CCDC102B: variants seen among roughly 807,000 people sequenced by gnomAD.
CCDC102B encodes the protein coiled-coil domain containing 102B, also known as coiled-coil domain-containing protein 102B.
Under a neutral mutation model 57.4 loss-of-function variants are expected in CCDC102B, and 75 were observed. That is an observed-to-expected ratio of 1.31 (90% CI 1.08 to 1.58). CCDC102B has a LOEUF of 1.58. Among genes scored for constraint, CCDC102B ranks in the 40% most tolerant of loss-of-function variants. CCDC102B has a pLI of 0.00. For missense variants in CCDC102B, 636 were observed against 582.6 expected (o/e 1.09, Z -0.94); for synonymous variants, 206 against 201.9 (o/e 1.02, Z -0.17).
At position 69,017,995 on chromosome 18, in the gene CCDC102B, C is replaced by CTGTG. The variant is rs61238979; in HGVS notation, c.1434+6909_1434+6912dup. Among the ~76,000 whole-genome samples the CTGTG allele has an allele frequency of 4.5e-3, 669 of 149,502 alleles. 4 individuals carry two copies. Among genetic ancestry groups the CTGTG allele is most frequent in the African/African-American group, 0.016 (637 of 40,938 alleles). On this transcript the variant is annotated intron_variant, in intron 7 of 7. Coordinates refer to ENST00000360242, the MANE Select transcript of CCDC102B (RefSeq NM_024781.3). Reference sequence around the variant, plus strand: ...TCCTTCTTTTTAAGGCTAAATATTTCTGTGTGTGTGTGTGTGTGTGTATCT... The same window carrying CTGTG: ...TCCTTCTTTTTAAGGCTAAATATTTCTGTGTGTGTGTGTGTGTGTGTGTGTATCT...
At chr18:69,005,283 G>A (rs1367728051) in intron 6 of CCDC102B, among the ~76,000 whole-genome samples, 1 of 152,006 alleles carries the variant, frequency 6.6e-6, no homozygotes, top group Non-Finnish European at 1.5e-5. Context: ...CCATGAGCAA[G>A]TTATTTCCAA....
intron 6 of CCDC102B, among the ~76,000 whole-genome samples, chr18:68,995,721 G>T (rs545832121): frequency 6.6e-6 from 1 of 152,168 alleles, no homozygotes; most frequent in African/African-American, 2.4e-5. Flanking sequence ...CCAGGGCAGT[G>T]CAGAAGAAAA....
At position 68,860,469 on chromosome 18, in the gene CCDC102B, CA is replaced by C. The variant is rs1161142158; in HGVS notation, c.936+14053del. ...AAGTATAATTAAAAAAAAACAAAAA[CA>C]AAAACAAAAAAAAAAAAAGACACTA... On this transcript the variant is annotated intron_variant, in intron 4 of 7. Coordinates refer to ENST00000360242, the MANE Select transcript of CCDC102B (RefSeq NM_024781.3). Among the ~76,000 whole-genome samples, 321 of 63,176 alleles carry C rather than the reference CA, an allele frequency of 5.1e-3. 26 individuals carry two copies. Among genetic ancestry groups the C allele is most frequent in the Non-Finnish European group, 7.6e-3 (203 of 26,694 alleles). The allele number at this position is 63,176 out of a possible 152,430, so 41.4% of individuals were successfully genotyped here.
intron 6 of CCDC102B, among the ~76,000 whole-genome samples, chr18:69,001,677 C>A (rs1466744628): frequency 1.3e-5 from 2 of 152,218 alleles, no homozygotes; most frequent in East Asian, 3.9e-4. Flanking sequence ...TCTTTGGGGA[C>A]CCCTTCCCAC....
chr18:68,907,164 T>G (rs1178473817), intron 6 of CCDC102B, among the ~76,000 whole-genome samples: 1 of 152,196 alleles, frequency 6.6e-6, no homozygotes, highest in Non-Finnish European at 1.5e-5. Flanking sequence ...TTCTATTATT[T>G]TGGTGTGAAT....
intron 6 of CCDC102B, among the ~76,000 whole-genome samples, chr18:68,939,871 C>T (rs962583978): frequency 2.0e-5 from 3 of 151,804 alleles, no homozygotes; most frequent in Non-Finnish European, 4.4e-5. Context: ...CATTAAGGTA[C>T]ATAAACCTGT....
chr18:68,775,383 G>A (rs930242521), intron 2 of CCDC102B, among the ~76,000 whole-genome samples: 20 of 151,976 alleles, frequency 1.3e-4, no homozygotes, highest in Non-Finnish European at 2.5e-4. Context: ...GTTAGTGTTT[G>A]ATTTAGATAA....
chr18:68,928,914 A>G (rs780447417), intron 6 of CCDC102B, among the ~76,000 whole-genome samples: 42 of 151,932 alleles, frequency 2.8e-4, no homozygotes, highest in Middle Eastern at 3.4e-3. Context: ...AGAAGAAGCA[A>G]TGGAGAAATT....
intron 5 of CCDC102B, among the ~76,000 whole-genome samples, chr18:68,878,996 T>A (rs1306148608): frequency 6.6e-6 from 1 of 152,116 alleles, no homozygotes; most frequent in Non-Finnish European, 1.5e-5. Context: ...TCGGATGTGT[T>A]CGGAGTTTCT....
chr18:68,999,016 A>G (rs2051125232), intron 6 of CCDC102B, among the ~76,000 whole-genome samples: 1 of 148,090 alleles, frequency 6.8e-6, no homozygotes, highest in African/African-American at 2.5e-5. Context: ...AGAGAGAGAG[A>G]GAGAGAGAGA....
intron 4 of CCDC102B, among the ~76,000 whole-genome samples, chr18:68,874,201 T>A (rs2039347408): frequency 7.7e-6 from 1 of 129,846 alleles, no homozygotes; most frequent in Admixed American, 7.9e-5. Context: ...TGTGTGTGTG[T>A]GTGTGTGTGT....
chr18:68,897,435 G>T lies in CCDC102B; in HGVS notation c.1263+7G>T. On this transcript the variant is annotated splice_region_variant and intron_variant, in intron 6 of 7. Transcript: ENST00000360242. ...TCTGCAAGAAAAAAACCAGGTATGG[G>T]TGCTCCTTGGAGCAAATTCTCACTG... 1 of 1,609,928 alleles carries T rather than the reference G, an allele frequency of 6.2e-7. No homozygotes were observed. Among genetic ancestry groups the T allele is most frequent in the Non-Finnish European group, 8.5e-7 (1 of 1,177,898 alleles).
intron 6 of CCDC102B, among the ~76,000 whole-genome samples, chr18:68,969,699 G>T (rs1392899143): frequency 6.6e-6 from 1 of 151,292 alleles, no homozygotes; most frequent in Non-Finnish European, 1.5e-5. Context: ...ATTTTTCAGG[G>T]TTTTATTTTT....
At chr18:68,988,649 CAAT>C (rs1174715088) in intron 6 of CCDC102B, among the ~76,000 whole-genome samples, 1 of 151,862 alleles carries the variant, frequency 6.6e-6, no homozygotes, top group Non-Finnish European at 1.5e-5. Flanking sequence ...GTACTGGAAT[CAAT>C]GATATGGTTG....
intron 7 of CCDC102B, among the ~76,000 whole-genome samples, chr18:69,053,474 T>C (rs2145504468): frequency 6.6e-6 from 1 of 151,810 alleles, no homozygotes; most frequent in East Asian, 1.9e-4. Flanking sequence ...GAAGAGTGGC[T>C]ACATAGAAAG....
chr18:68,983,247 A>T (rs1344132998), intron 6 of CCDC102B, among the ~76,000 whole-genome samples: 1 of 151,878 alleles, frequency 6.6e-6, no homozygotes, highest in East Asian at 1.9e-4. Context: ...AACAAATTAT[A>T]TTTTCACTCT....
rs925732568 is a variant in CCDC102B, at chr18:68,829,537, G to A, written c.-15-7212G>A. Among the ~76,000 whole-genome samples the A allele has an allele frequency of 3.2e-4, 49 of 151,980 alleles. 1 individual carries two copies. The highest frequency in any genetic ancestry group is 1.0e-3 in the African/African-American group (43 of 41,432). On this transcript the variant is annotated intron_variant, in intron 1 of 7. Coordinates refer to ENST00000360242, the MANE Select transcript of CCDC102B (RefSeq NM_024781.3). ...TTTGAAAATAAATAGGACAATCTTT[G>A]ATCTTCACTCTTCAAACTTCGTGAA... is the stretch of plus-strand genomic sequence containing the variant.
chr18:68,968,350 C>T (rs887776121), intron 6 of CCDC102B, among the ~76,000 whole-genome samples: 23 of 152,110 alleles, frequency 1.5e-4, no homozygotes, highest in African/African-American at 5.1e-4. Context: ...CCTTATAGTT[C>T]AACACTAACT....
intron 7 of CCDC102B, among the ~76,000 whole-genome samples, chr18:69,023,704 C>T (rs1447023176): frequency 6.6e-6 from 1 of 151,828 alleles, no homozygotes; most frequent in East Asian, 1.9e-4. Context: ...TCTACCATAC[C>T]AATGCCACTG....
Sources: allele counts gnomAD v4.1 joint callset (sites outside exome capture counted in the v4.1 genomes callset), GRCh38; gene constraint gnomAD v4.1.1; transcripts MANE v1.5; gene names NCBI Gene and HGNC (gene_info 2026-07-23, HGNC 2026-07-21).